Variants in TRAF7 observed in about 807,000 individuals in gnomAD.
The protein encoded by TRAF7 is E3 ubiquitin-protein ligase TRAF7.
In TRAF7, 45 loss-of-function variants were observed where a neutral mutation model predicts 89.3. The observed-to-expected ratio is 0.50, with a 90% CI of 0.40 to 0.65. The LOEUF is 0.65. Ranked by LOEUF, TRAF7 falls within the 30% of genes least tolerant of loss-of-function variation. The pLI is 0.00. For synonymous variants in TRAF7, 406 were observed against 369.2 expected, an observed-to-expected ratio of 1.10 and a Z score of -1.14; for missense variants, 677 against 918.1, an observed-to-expected ratio of 0.74 and a Z score of 3.39.
At chr16:2,157,923 G>T (rs564674704) in intron 1 of TRAF7, among the ~76,000 whole-genome samples, 3 of 152,308 alleles carry the variant, frequency 2.0e-5, no homozygotes, top group African/African-American at 7.2e-5. Flanking sequence ...GCTGTCTGGG[G>T]TGCCTTCACT....
chr16:2,177,191 CTGT>C lies in TRAF7; in HGVS notation c.*619_*621del, dbSNP rs1190694851. ...GTGAGCCAGGCACCTCTGTTTCCTG[CTGT>C]TTATTGACAGCCGACGGCAGCGCCT... On this transcript the variant is annotated 3_prime_UTR_variant, in exon 21 of 21. Coordinates refer to ENST00000326181, the MANE Select transcript of TRAF7 (RefSeq NM_032271.3). The C allele has an allele frequency of 1.6e-5, 4 of 246,490 alleles. No homozygotes were observed. The highest frequency in any genetic ancestry group is 2.2e-5 in the African/African-American group (1 of 45,586). 15.3% of individuals were successfully genotyped at this position (246,490 alleles called of 1,614,324 possible).
At chr16:2,165,013 G>T (rs1377559243) in intron 2 of TRAF7, among the ~76,000 whole-genome samples, 2 of 114,768 alleles carry the variant, frequency 1.7e-5, no homozygotes, top group Non-Finnish European at 1.7e-5. Context: ...TGGCCTGGTC[G>T]CATGGTTAAG....
intron 3 of TRAF7, among the ~76,000 whole-genome samples, chr16:2,166,824 G>A (rs573728923): frequency 4.6e-5 from 7 of 152,374 alleles, no homozygotes; most frequent in Admixed American, 2.0e-4. Context: ...CGCAAGCGCC[G>A]TGCTCAGGGA....
Position 2,162,566 on chromosome 16 carries a change from G to A in TRAF7, c.-38-1317G>A, listed in dbSNP as rs1051298993. 1.3e-5 allele frequency among the ~76,000 whole-genome samples: 2 copies of A among 152,110 alleles called. No homozygotes were observed. Among genetic ancestry groups the A allele is most frequent in the African/African-American group, 2.4e-5 (1 of 41,440 alleles). On this transcript the variant is annotated intron_variant, in intron 1 of 20. Transcript: ENST00000326181. This position sits in a 1 kb window ranked among gnomAD's most constrained non-coding sequence, Gnocchi z 5.0. ...TTTGGCCTGGGACTGGGACTGTCCT[G>A]CTCCTCTCAGGCCCCTGGGGCCTTG... is the stretch of plus-strand genomic sequence containing the variant.
intron 3 of TRAF7, among the ~76,000 whole-genome samples, chr16:2,167,162 T>C (rs2093089948): frequency 6.6e-6 from 1 of 152,106 alleles, no homozygotes; most frequent in African/African-American, 2.4e-5. Context: ...ATGGCCCCTG[T>C]CACACGGCGG....
In TRAF7 at chr16:2,158,815, C is replaced by T. The variant is rs554074961; in HGVS notation, c.-39+2957C>T. On this transcript the variant is annotated intron_variant, in intron 1 of 20. Transcript: ENST00000326181. The surrounding 1 kb of genome is among the most constrained non-coding windows in gnomAD (Gnocchi z 4.7). Reference sequence around the variant, plus strand: ...ACCCTTGGCTCTTGGGCAAAGCTCACGACCTGTTTCTGAGAGTCTGAGGCC... The same window carrying T: ...ACCCTTGGCTCTTGGGCAAAGCTCATGACCTGTTTCTGAGAGTCTGAGGCC... Among the ~76,000 whole-genome samples, 4 of 150,648 alleles carry T rather than the reference C, an allele frequency of 2.7e-5. No homozygotes were observed. The highest frequency in any genetic ancestry group is 2.1e-4 in the South Asian group (1 of 4,752).
chr16:2,176,864 C>T lies in TRAF7; in HGVS notation c.*290C>T. The T allele has an allele frequency of 3.5e-6, 2 of 570,130 alleles. No individual in the cohort carries two copies. The highest frequency in any genetic ancestry group is 4.7e-4 in the Middle Eastern group (1 of 2,132). 35.3% of individuals were successfully genotyped at this position (570,130 alleles called of 1,614,324 possible). ...TAGATGGAGCGAGGGCCTTTTTACTCACCTTTTCTACCGTTTTTAGACTGT... is the reference window on the plus strand; with the variant it reads ...TAGATGGAGCGAGGGCCTTTTTACTTACCTTTTCTACCGTTTTTAGACTGT... On this transcript the variant is annotated 3_prime_UTR_variant, in exon 21 of 21. Coordinates refer to ENST00000326181, the MANE Select transcript of TRAF7 (RefSeq NM_032271.3).
chr16:2,165,976 C>T (rs758182142), intron 3 of TRAF7, 40 bp downstream of exon 3: 1 of 1,612,116 alleles, frequency 6.2e-7, no homozygotes, highest in African/African-American at 1.3e-5. Context: ...CTGGGAATAA[C>T]CGGGGCACCC....
chr16:2,175,260 A>C (rs747631078), intron 15 of TRAF7, 41 bp from the exon 16 acceptor site: 2 of 1,612,418 alleles, frequency 1.2e-6, no homozygotes, highest in Admixed American at 3.3e-5. Flanking sequence ...TCCAGGTGGC[A>C]GGGCTTGGTG....
rs2093145088 is a variant in TRAF7 at position 2,177,677 on chromosome 16, G to GCCTGCTACATGC, written c.*1110_*1121dup. On this transcript the variant is annotated 3_prime_UTR_variant, in exon 21 of 21. Transcript: ENST00000326181. ...AGAGGAGCTGCAAGCCCGTGGCCTG[G>GCCTGCTACATGC]CCTGCTACATGCCCTGCTTCCACGT... The GCCTGCTACATGC allele has an allele frequency of 4.1e-6, 1 of 242,304 alleles. No homozygotes were observed. Among genetic ancestry groups the GCCTGCTACATGC allele is most frequent in the Admixed American group, 5.4e-5 (1 of 18,620 alleles). 15.0% of individuals were successfully genotyped at this position (242,304 alleles called of 1,614,324 possible).
Position 2,163,765 on chromosome 16 carries a change from G to C in TRAF7, c.-38-118G>C. 1.4e-6 allele frequency: 1 copy of C among 691,030 alleles called. No homozygotes were observed. The highest frequency in any genetic ancestry group is 2.5e-6 in the Non-Finnish European group (1 of 392,248). 42.8% of individuals were successfully genotyped at this position (691,030 alleles called of 1,614,324 possible). A position where few individuals can be genotyped will look rare whatever the true frequency, so the allele number is the denominator to read the frequency against. On this transcript the variant is annotated intron_variant, in intron 1 of 20. Coordinates refer to ENST00000326181, the MANE Select transcript of TRAF7 (RefSeq NM_032271.3). This position sits in a 1 kb window ranked among gnomAD's most constrained non-coding sequence, Gnocchi z 4.3. ...GCCTGAGCCGGGGCTGGTGGTGGAA[G>C]GCTGCTGCGGCGGCCCCACGGTGCC... is the stretch of plus-strand genomic sequence containing the variant.
rs1205584876 is a variant in TRAF7 at position 2,176,106 on chromosome 16, G to A, written c.1804G>A (p.Val602Met). ...VRTLTGHVGT[V>M]YALAVISTPD... ...GACCCTCACGGGCCACGTGGGCACC[G>A]TGTATGCCCTGGCGGTCATCTCGAC... The change falls in exon 19 of 21, where the codon GTG becomes ATG. Residue 602 changes from valine (V) to methionine (M), a missense_variant. Val to Met is a conservative substitution (Grantham distance 21, BLOSUM62 1). Coordinates refer to ENST00000326181, the MANE Select transcript of TRAF7 (RefSeq NM_032271.3). 3.7e-6 allele frequency: 6 copies of A among 1,611,268 alleles called. No individual in the cohort carries two copies. Among genetic ancestry groups the A allele is most frequent in the African/African-American group, 2.7e-5 (2 of 74,934 alleles).
intron 1 of TRAF7, among the ~76,000 whole-genome samples, chr16:2,157,101 C>T (rs1596664334): frequency 6.6e-6 from 1 of 151,448 alleles, no homozygotes; most frequent in Non-Finnish European, 1.5e-5. Flanking sequence ...AGACCCCTTC[C>T]TGGGCACACA....
intron 11 of TRAF7, 26 bp from the exon 12 acceptor site, chr16:2,173,762 C>T (rs201182263): frequency 6.2e-7 from 1 of 1,609,480 alleles, no homozygotes; most frequent in Non-Finnish European, 8.5e-7. Context: ...GCCCACCTGC[C>T]CTCTGCCCTG....
intron 14 of TRAF7, 91 bp downstream of exon 14, chr16:2,174,424 G>A: frequency 1.6e-6 from 2 of 1,266,160 alleles, no homozygotes; most frequent in South Asian, 1.4e-5. Context: ...GCTCGAGCCT[G>A]TGTAGCTATG....
rs1193711997 is a variant in TRAF7 at position 2,175,096 on chromosome 16, T to G, written c.1347-15T>G. ...CAGCTTCTCCCACCTTGACACATTG[T>G]CTCTGCTTCCCCAGGTGCAAACTCT... On this transcript the variant is annotated splice_polypyrimidine_tract_variant and intron_variant, in intron 14 of 20. Coordinates refer to ENST00000326181, the MANE Select transcript of TRAF7 (RefSeq NM_032271.3). 3.7e-6 allele frequency: 6 copies of G among 1,613,696 alleles called. No individual in the cohort carries two copies. The highest frequency in any genetic ancestry group is 4.2e-6 in the Non-Finnish European group (5 of 1,179,950).
intron 12 of TRAF7, 23 bp downstream of exon 12, chr16:2,173,859 T>TTGGCCCCCCCCC: frequency 3.2e-6 from 4 of 1,246,204 alleles, no homozygotes; most frequent in Non-Finnish European, 4.4e-6. Flanking sequence ...CCGCCGTGGC[T>TTGGCCCCCCCCC]CCCGCCCACC....
chr16:2,169,212 C>T (rs1408152586), intron 4 of TRAF7, among the ~76,000 whole-genome samples: 2 of 152,190 alleles, frequency 1.3e-5, no homozygotes, highest in Admixed American at 1.3e-4. Flanking sequence ...GAACTCCCGA[C>T]CTCAGCTGAT....
Position 2,168,292 on chromosome 16 carries a change from G to A in TRAF7, c.231+124G>A. On this transcript the variant is annotated intron_variant, in intron 4 of 20. Transcript: ENST00000326181. The surrounding 1 kb of genome is among the most constrained non-coding windows in gnomAD (Gnocchi z 4.1). ...GAGGCACAGGAGAAGAAGAGCACCT[G>A]TGGATACCCTGAGGCCTCGGCAGAC... is the stretch of plus-strand genomic sequence containing the variant. 1 of 758,652 alleles carries A rather than the reference G, an allele frequency of 1.3e-6. No homozygotes were observed. The highest frequency in any genetic ancestry group is 1.8e-5 in the South Asian group (1 of 55,864). 47.0% of individuals were successfully genotyped at this position (758,652 alleles called of 1,614,324 possible).
Sources: allele counts gnomAD v4.1 joint callset (sites outside exome capture counted in the v4.1 genomes callset), GRCh38; gene constraint gnomAD v4.1.1; non-coding constraint Gnocchi (gnomAD v3.1); transcripts MANE v1.5; gene names NCBI Gene and HGNC (gene_info 2026-07-23, HGNC 2026-07-21).